Variants in KLHL28 observed in about 807,000 individuals in gnomAD.
KLHL28 encodes the protein kelch like family member 28.
A neutral mutation model predicts 48.3 loss-of-function variants in KLHL28; 22 were observed. The ratio of observed to expected loss-of-function variants is 0.46; its 90% confidence interval spans 0.33 to 0.65. The LOEUF is 0.65. Ranked by LOEUF, KLHL28 falls within the 30% of genes least tolerant of loss-of-function variation. The pLI is 0.03. For synonymous variants in KLHL28, 243 were observed against 242.4 expected (o/e 1.00, Z -0.02); for missense variants, 527 against 704.3 (o/e 0.75, Z 2.85).
chr14:44,946,580 G>A (rs1007759726), intron 1 of KLHL28, among the ~76,000 whole-genome samples: 5 of 136,266 alleles, frequency 3.7e-5, no homozygotes, highest in Non-Finnish European at 7.7e-5. Flanking sequence ...TTTTTAAGAT[G>A]GAATCTCACT....
intron 1 of KLHL28, among the ~76,000 whole-genome samples, chr14:44,951,444 A>G (rs1884576442): frequency 6.6e-6 from 1 of 152,218 alleles, no homozygotes; most frequent in Non-Finnish European, 1.5e-5. Flanking sequence ...TTATGCCCCT[A>G]TAATACTGCT....
intron 1 of KLHL28, among the ~76,000 whole-genome samples, chr14:44,946,976 G>A (rs1157335261): frequency 4.6e-5 from 7 of 152,110 alleles, no homozygotes; most frequent in Non-Finnish European, 1.0e-4. Context: ...AAAAGAAAGT[G>A]GAGAGACAAT....
At chr14:44,948,333 G>A (rs555997230) in intron 1 of KLHL28, among the ~76,000 whole-genome samples, 1 of 152,100 alleles carries the variant, frequency 6.6e-6, no homozygotes, top group Non-Finnish European at 1.5e-5. Context: ...TTGTACTACA[G>A]TAGTACTATG....
At chr14:44,958,129 C>A (rs905532291) in intron 1 of KLHL28, among the ~76,000 whole-genome samples, 4 of 147,852 alleles carry the variant, frequency 2.7e-5, no homozygotes, top group African/African-American at 1.0e-4. Flanking sequence ...ATCTTGGTAA[C>A]TGCATTAGTC....
At chr14:44,954,272 C>A (rs1182105286) in intron 1 of KLHL28, among the ~76,000 whole-genome samples, 1 of 152,166 alleles carries the variant, frequency 6.6e-6, no homozygotes, top group Non-Finnish European at 1.5e-5. Flanking sequence ...AAAAACCCTA[C>A]TTCTAAGAAT....
chr14:44,945,656 C>T lies in KLHL28; in HGVS notation c.273G>A (p.Glu91=), dbSNP rs771495160. ...TAAAAACAGTCCCTGTATAGGCATA[C>T]TCCACAATGGCCTGGAGAGCAGTTT... ...IDETALQAIV[E]YAYTGTVFIS... The change falls in exon 2 of 5, where the codon GAG becomes GAA. Residue 91 remains glutamate (E), a synonymous_variant. Coordinates refer to ENST00000396128, the MANE Select transcript of KLHL28 (RefSeq NM_017658.5). 53 of 1,614,082 alleles carry T rather than the reference C, an allele frequency of 3.3e-5. No individual in the cohort carries two copies. In the South Asian group the frequency reaches 5.5e-4, roughly 17 times the overall value.
chr14:44,939,919 G>T (rs977713648), intron 2 of KLHL28, among the ~76,000 whole-genome samples: 84 of 152,216 alleles, frequency 5.5e-4, no homozygotes, highest in African/African-American at 2.0e-3. Context: ...TTTTAACAAT[G>T]GCCCCACTTT....
intron 1 of KLHL28, among the ~76,000 whole-genome samples, chr14:44,955,514 T>C (rs1884756983): frequency 6.6e-6 from 1 of 151,906 alleles, no homozygotes; most frequent in Non-Finnish European, 1.5e-5. Context: ...AAATCCTAGG[T>C]AGTATAATCC....
chr14:44,932,492 T>C (rs1368481931), intron 3 of KLHL28, among the ~76,000 whole-genome samples: 1 of 152,224 alleles, frequency 6.6e-6, no homozygotes, highest in East Asian at 1.9e-4. Context: ...TAGAAAATTC[T>C]AGCAGCTGTT....
At chr14:44,941,115 C>T (rs1347978288) in intron 2 of KLHL28, among the ~76,000 whole-genome samples, 5 of 151,252 alleles carry the variant, frequency 3.3e-5, no homozygotes, top group Non-Finnish European at 5.9e-5. Context: ...AGCGAGATGC[C>T]GTCTCCAAAT....
At chr14:44,931,763 C>T (rs996212314) in intron 3 of KLHL28, among the ~76,000 whole-genome samples, 5 of 152,144 alleles carry the variant, frequency 3.3e-5, no homozygotes, top group African/African-American at 1.2e-4. Flanking sequence ...TTATATTGTG[C>T]AAGCGGCAAA....
chr14:44,942,523 C>T (rs906898165), intron 2 of KLHL28, among the ~76,000 whole-genome samples: 1 of 151,990 alleles, frequency 6.6e-6, no homozygotes, highest in African/African-American at 2.4e-5. Flanking sequence ...TTTTGCAACC[C>T]ACATAAAAGT....
intron 2 of KLHL28, among the ~76,000 whole-genome samples, chr14:44,944,516 T>A (rs189825723): frequency 2.0e-5 from 3 of 152,234 alleles, no homozygotes; most frequent in Non-Finnish European, 4.4e-5. Flanking sequence ...AAAAATACAC[T>A]GAAGAAAACA....
intron 1 of KLHL28, among the ~76,000 whole-genome samples, 195 bp from the exon 2 acceptor site, chr14:44,946,123 T>C (rs1884326875): frequency 6.6e-6 from 1 of 152,182 alleles, no homozygotes; most frequent in African/African-American, 2.4e-5. Context: ...ATTCAACTTA[T>C]TTATTATAGA....
At chr14:44,931,654 A>G in intron 3 of KLHL28, 113 bp from the exon 4 acceptor site, 2 of 733,770 alleles carry the variant, frequency 2.7e-6, no homozygotes, top group Non-Finnish European at 4.4e-6. Flanking sequence ...AGAGATATTA[A>G]ACAAGAGTAG....
rs889086187 is a variant in KLHL28, at chr14:44,949,611, G to C, written c.1-3683C>G. 2.6e-5 allele frequency among the ~76,000 whole-genome samples: 4 copies of C among 152,076 alleles called. No homozygotes were observed. In the East Asian group the frequency reaches 7.7e-4, roughly 29 times the overall value. ...GAAGATATTTTATGTCCTGAACTTT[G>C]AAGATGACATGAAGCTGCAAAGGAC... On this transcript the variant is annotated intron_variant, in intron 1 of 4. Coordinates refer to ENST00000396128, the MANE Select transcript of KLHL28 (RefSeq NM_017658.5).
At chr14:44,940,078 T>C (rs10140013) in intron 2 of KLHL28, among the ~76,000 whole-genome samples, 22,941 of 152,196 alleles carry the variant, frequency 0.15, 3,150 homozygotes, top group African/African-American at 0.37. Context: ...GGTCATCCCA[T>C]GATGGAAGAC....
chr14:44,960,968 G>A (rs1231933338), intron 1 of KLHL28: 1 of 1,307,106 alleles, frequency 7.7e-7, no homozygotes, highest in East Asian at 2.5e-5. Flanking sequence ...CTTTTCGCAC[G>A]AGTCATTCAA....
intron 1 of KLHL28, chr14:44,953,503 T>A (rs1397235504): frequency 6.6e-6 from 1 of 152,450 alleles, no homozygotes; most frequent in Admixed American, 6.5e-5. Flanking sequence ...ATTAAAGGGT[T>A]ATCACAGGAG....
Sources: allele counts gnomAD v4.1 joint callset (sites outside exome capture counted in the v4.1 genomes callset), GRCh38; gene constraint gnomAD v4.1.1; transcripts MANE v1.5; gene names NCBI Gene and HGNC (gene_info 2026-07-23, HGNC 2026-07-21).